RDX: variants seen among roughly 807,000 people sequenced by gnomAD.
The protein encoded by RDX is deafness, autosomal recessive 24.
Under a neutral mutation model 83.7 loss-of-function variants are expected in RDX, and 32 were observed. The observed-to-expected ratio is 0.38, with a 90% CI of 0.29 to 0.51. RDX has a LOEUF of 0.51. Ranked by LOEUF, RDX falls within the 20% of genes least tolerant of loss-of-function variation. The probability of loss-of-function intolerance (pLI) is 0.87; values close to 1 mark genes in which losing one functional copy is unlikely to be tolerated. For missense variants in RDX, 600 were observed against 689.9 expected, an observed-to-expected ratio of 0.87 and a Z score of 1.46; for synonymous variants, 229 against 222.7, an observed-to-expected ratio of 1.03 and a Z score of -0.25.
intron 1 of RDX, among the ~76,000 whole-genome samples, chr11:110,290,858 T>C (rs1861214261): frequency 6.6e-6 from 1 of 152,228 alleles, no homozygotes. Context: ...TAGGCTGGGT[T>C]TAGCCCATGG....
intron 7 of RDX, among the ~76,000 whole-genome samples, chr11:110,257,034 A>AGGGG (rs1450554964): frequency 8.7e-6 from 1 of 115,146 alleles, no homozygotes. Context: ...GTCTAAGACA[A>AGGGG]TTGAGTTATT....
intron 1 of RDX, among the ~76,000 whole-genome samples, chr11:110,294,076 G>A (rs77180447): frequency 0.03 from 4,548 of 152,286 alleles, 131 homozygotes; most frequent in East Asian, 0.075. Context: ...TCAACAGCCT[G>A]CCAAAGATAA....
At chr11:110,288,450 T>G (rs1486231711) in intron 1 of RDX, 1 of 152,216 alleles carries the variant, frequency 6.6e-6, no homozygotes, top group East Asian at 1.9e-4. Flanking sequence ...ACATTAAACA[T>G]TCACATAAAA....
intron 10 of RDX, among the ~76,000 whole-genome samples, chr11:110,244,972 T>G (rs913625857): frequency 1.3e-5 from 2 of 151,538 alleles, no homozygotes; most frequent in Non-Finnish European, 2.9e-5. Flanking sequence ...AAGTTTTTTT[T>G]TTTTTTTTTT....
intron 14 of RDX, among the ~76,000 whole-genome samples, chr11:110,204,988 C>T (rs976502296): frequency 3.9e-5 from 6 of 152,044 alleles, no homozygotes; most frequent in Non-Finnish European, 8.8e-5. Context: ...AAAGCTCAAC[C>T]AGATATCAAG....
chr11:110,248,527 A>G (rs886868870), intron 9 of RDX, among the ~76,000 whole-genome samples: 3 of 152,224 alleles, frequency 2.0e-5, no homozygotes, highest in Non-Finnish European at 4.4e-5. Flanking sequence ...GGATGAGTTT[A>G]CAAAACTGCT....
At chr11:110,247,664 TA>T in intron 10 of RDX, 38 bp downstream of exon 10, 1 of 1,598,756 alleles carries the variant, frequency 6.3e-7, no homozygotes, top group Non-Finnish European at 8.5e-7. Flanking sequence ...AACAGAGCAA[TA>T]ATAATTTTTA....
chr11:110,182,494 G>A (rs529531159), intron 15 of RDX, among the ~76,000 whole-genome samples: 28 of 150,860 alleles, frequency 1.9e-4, no homozygotes, highest in African/African-American at 6.5e-4. Context: ...CCAGCTACTC[G>A]GGAGGCTGAG....
chr11:110,191,919 T>G (rs1160862681), intron 15 of RDX, among the ~76,000 whole-genome samples: 1 of 152,164 alleles, frequency 6.6e-6, no homozygotes, highest in Non-Finnish European at 1.5e-5. Flanking sequence ...ATTCCATGCT[T>G]ATGGATAGGA....
At chr11:110,194,370 C>A (rs1230719329) in intron 15 of RDX, among the ~76,000 whole-genome samples, 2 of 152,216 alleles carry the variant, frequency 1.3e-5, no homozygotes, top group African/African-American at 2.4e-5. Flanking sequence ...CAGGCACCTG[C>A]CACCACACCC....
At chr11:110,222,946 G>GCTA (rs1864301799) in intron 14 of RDX, among the ~76,000 whole-genome samples, 1 of 152,266 alleles carries the variant, frequency 6.6e-6, no homozygotes, top group Admixed American at 6.5e-5. Flanking sequence ...ACCCAAGTGA[G>GCTA]CTACTATCAA....
At chr11:110,239,611 CA>C (rs1427513009) in intron 10 of RDX, among the ~76,000 whole-genome samples, 1 of 151,954 alleles carries the variant, frequency 6.6e-6, no homozygotes, top group Non-Finnish European at 1.5e-5. Flanking sequence ...AAATATAAAT[CA>C]AAACCACAAT....
intron 3 of RDX, among the ~76,000 whole-genome samples, chr11:110,270,471 G>A (rs539711613): frequency 4.8e-4 from 73 of 152,214 alleles, no homozygotes; most frequent in Admixed American, 9.2e-4. Context: ...GTCATTATGC[G>A]GCACATGACA....
At chr11:110,188,525 G>A (rs974743853) in intron 15 of RDX, among the ~76,000 whole-genome samples, 3 of 151,996 alleles carry the variant, frequency 2.0e-5, no homozygotes, top group Admixed American at 1.3e-4. Context: ...TGGGAGGGGG[G>A]TGAGGGATAA....
At chr11:110,274,999 G>A (rs1202439191) in intron 2 of RDX, among the ~76,000 whole-genome samples, 1 of 152,204 alleles carries the variant, frequency 6.6e-6, no homozygotes, top group Non-Finnish European at 1.5e-5. Context: ...CAATGTAACT[G>A]TGTCAATGTA....
chr11:110,196,843 G>A (rs139133346), intron 15 of RDX, among the ~76,000 whole-genome samples: 1 of 152,184 alleles, frequency 6.6e-6, no homozygotes, highest in Admixed American at 6.5e-5. Context: ...GTACAGTCTG[G>A]TCCCAAGGCT....
intron 1 of RDX, among the ~76,000 whole-genome samples, chr11:110,293,785 T>C (rs1861338860): frequency 6.6e-6 from 1 of 152,102 alleles, no homozygotes. Context: ...AAATTATATT[T>C]ATCTACACCT....
intron 10 of RDX, among the ~76,000 whole-genome samples, chr11:110,242,046 A>G (rs1865118714): frequency 6.6e-6 from 1 of 152,184 alleles, no homozygotes; most frequent in Admixed American, 6.5e-5. Flanking sequence ...GGATTGTTTA[A>G]TGGGTGCAGA....
chr11:110,221,645 C>T (rs574940109), intron 14 of RDX, among the ~76,000 whole-genome samples: 1 of 150,420 alleles, frequency 6.6e-6, no homozygotes, highest in Non-Finnish European at 1.5e-5. Context: ...CACACACACA[C>T]GAAGATCAAA....
Sources: gnomAD v4.1 joint callset for allele counts (sites outside exome capture counted in the v4.1 genomes callset) on GRCh38, gnomAD v4.1.1 for gene constraint, MANE v1.5 for transcripts, NCBI Gene and HGNC (gene_info 2026-07-23, HGNC 2026-07-21) for gene names.